The following ST7L variants were observed in gnomAD, a reference collection of about 807,000 sequenced individuals.
ST7L encodes suppressor of tumorigenicity 7 protein-like.
Under a neutral mutation model 72.5 loss-of-function variants are expected in ST7L, and 57 were observed. That is an observed-to-expected ratio of 0.79 (90% CI 0.64 to 0.98). ST7L has a LOEUF of 0.98. ST7L is among the 50% of genes least tolerant of loss of function. ST7L has a pLI of 0.00. For synonymous variants in ST7L, 221 were observed against 240.9 expected, an observed-to-expected ratio of 0.92 and a Z score of 0.77; for missense variants, 576 against 672.2, an observed-to-expected ratio of 0.86 and a Z score of 1.58.
At chr1:112,600,610 T>TA (rs1297210959) in intron 4 of ST7L, among the ~76,000 whole-genome samples, 184 bp downstream of exon 4, 13 of 144,974 alleles carry the variant, frequency 9.0e-5, no homozygotes, top group East Asian at 2.0e-4. Context: ...AAATTTTAAT[T>TA]AAAAAAAAAA....
intron 2 of ST7L, among the ~76,000 whole-genome samples, chr1:112,613,601 A>C (rs1669399014): frequency 6.6e-6 from 1 of 152,364 alleles, no homozygotes; most frequent in Middle Eastern, 3.4e-3. Context: ...TTTGCTAATA[A>C]AAACCCATCA....
At chr1:112,570,632 CA>C (rs1462076496) in intron 11 of ST7L, 3 of 399,760 alleles carry the variant, frequency 7.5e-6, no homozygotes, top group Non-Finnish European at 1.5e-5. Flanking sequence ...TTGTGACTCA[CA>C]ATTGAAGTGT....
intron 5 of ST7L, among the ~76,000 whole-genome samples, chr1:112,597,513 A>G (rs1208242444): frequency 6.6e-6 from 1 of 152,242 alleles, no homozygotes; most frequent in Non-Finnish European, 1.5e-5. Context: ...ATAGATAAGC[A>G]CTTAGAGAAA....
chr1:112,556,047 C>A, intron 11 of ST7L, 29 bp from the exon 12 acceptor site: 2 of 1,418,322 alleles, frequency 1.4e-6, no homozygotes, highest in African/African-American at 1.4e-5. Flanking sequence ...GACACATATA[C>A]ACACAACAGA....
At chr1:112,529,311 G>A (rs1169845246) in intron 14 of ST7L, 1 of 152,142 alleles carries the variant, frequency 6.6e-6, no homozygotes, top group African/African-American at 2.4e-5. Context: ...TATCATCTTA[G>A]TTCTCTTCCC....
rs1300880007 is a variant in ST7L at position 112,610,127 on chromosome 1, AG to A, written c.451+713del. 2.0e-5 allele frequency among the ~76,000 whole-genome samples: 3 copies of A among 152,160 alleles called. No homozygotes were observed. In the East Asian group the frequency reaches 5.8e-4, roughly 29 times the overall value. The stretch of plus-strand genomic sequence containing the variant: ...GCCATATGAAACAGACCTGACCAGT[AG>A]GAAGTAAGGTGAAATAGTATGTAAC... On this transcript the variant is annotated intron_variant, in intron 3 of 14. Transcript: ENST00000358039.
chr1:112,602,786 G>A lies in ST7L; in HGVS notation c.452-1938C>T, dbSNP rs920078086. On this transcript the variant is annotated intron_variant, in intron 3 of 14. Transcript: ENST00000358039. Reference sequence around the variant, plus strand: ...GCTGGAGTGCAATGGTGCAATCTCCGTTCACTGCATGCTCCGCCTCCCAGG... The same window carrying A: ...GCTGGAGTGCAATGGTGCAATCTCCATTCACTGCATGCTCCGCCTCCCAGG... Among the ~76,000 whole-genome samples, 8 of 141,506 alleles carry A rather than the reference G, an allele frequency of 5.7e-5. No homozygotes were observed. The South Asian group carries it at 6.6e-4, about 12-fold the overall frequency. 92.8% of individuals were successfully genotyped at this position (141,506 alleles called of 152,430 possible).
chr1:112,525,904 T>C lies in ST7L; in HGVS notation c.*109A>G. 6.9e-7 allele frequency: 1 copy of C among 1,452,304 alleles called. No individual in the cohort carries two copies. The highest frequency in any genetic ancestry group is 1.4e-5 in the South Asian group (1 of 71,836). 90.0% of individuals were successfully genotyped at this position (1,452,304 alleles called of 1,614,324 possible). A position where few individuals can be genotyped will look rare whatever the true frequency, so the allele number is the denominator to read the frequency against. ...TTTTCATATGCAAAATGCTTTAGCA[T>C]ATATGTAATCCTCACAACAACCCTG... On this transcript the variant is annotated 3_prime_UTR_variant, in exon 15 of 15. Transcript: ENST00000358039.
rs902054313 is a variant in ST7L at position 112,536,442 on chromosome 1, G to GA, written c.1629+5508dup. Reference sequence around the variant, plus strand: ...GGTTCTGAAGATCAATCTTTTCCCTGAAAAAAATGGTAAGAATAGTGGACA... The same window carrying GA: ...GGTTCTGAAGATCAATCTTTTCCCTGAAAAAAAATGGTAAGAATAGTGGACA... On this transcript the variant is annotated intron_variant, in intron 14 of 14. Coordinates refer to ENST00000358039, the MANE Select transcript of ST7L (RefSeq NM_017744.5). Among the ~76,000 whole-genome samples, 13 of 151,960 alleles carry GA rather than the reference G, an allele frequency of 8.6e-5. No individual in the cohort carries two copies. In the South Asian group the frequency reaches 2.1e-3, roughly 24 times the overall value.
At chr1:112,588,798 GT>G (rs984212417) in intron 6 of ST7L, among the ~76,000 whole-genome samples, 1 of 152,070 alleles carries the variant, frequency 6.6e-6, no homozygotes, top group African/African-American at 2.4e-5. Flanking sequence ...GTGCTCTTTT[GT>G]TTTCAGCTAT....
intron 6 of ST7L, among the ~76,000 whole-genome samples, chr1:112,588,278 TA>T (rs1665160668): frequency 6.6e-6 from 1 of 152,214 alleles, no homozygotes; most frequent in African/African-American, 2.4e-5. Context: ...AGATGCCATG[TA>T]AAATTTTTCT....
intron 1 of ST7L, among the ~76,000 whole-genome samples, chr1:112,617,533 T>C (rs1263983231): frequency 6.6e-6 from 1 of 152,034 alleles, no homozygotes; most frequent in Non-Finnish European, 1.5e-5. Context: ...GCAAATAAAA[T>C]AGACCCAGTC....
intron 11 of ST7L, among the ~76,000 whole-genome samples, chr1:112,575,391 T>A (rs1228281420): frequency 1.3e-5 from 2 of 152,170 alleles, no homozygotes; most frequent in African/African-American, 2.4e-5. Context: ...TAATTTATAA[T>A]TTAGGCACAG....
At chr1:112,597,702 C>T (rs999696228) in intron 5 of ST7L, among the ~76,000 whole-genome samples, 1 of 152,132 alleles carries the variant, frequency 6.6e-6, no homozygotes, top group African/African-American at 2.4e-5. Flanking sequence ...ATGGGGTACA[C>T]TGTTTTCTGG....
chr1:112,598,623 A>C (rs1226180392), intron 4 of ST7L, among the ~76,000 whole-genome samples: 1 of 152,010 alleles, frequency 6.6e-6, no homozygotes, highest in Non-Finnish European at 1.5e-5. Flanking sequence ...AGTAAAACGA[A>C]AATTAAGGAT....
intron 3 of ST7L, among the ~76,000 whole-genome samples, chr1:112,605,088 CAAA>C (rs35373735): frequency 4.9e-5 from 3 of 61,302 alleles, no homozygotes; most frequent in African/African-American, 6.0e-5. Flanking sequence ...ACTCCGGCTC[CAAA>C]AAAAAAAAAA....
intron 12 of ST7L, among the ~76,000 whole-genome samples, chr1:112,553,723 TG>T (rs1351041445): frequency 6.6e-6 from 1 of 152,174 alleles, no homozygotes; most frequent in African/African-American, 2.4e-5. Context: ...GATTTTTGTG[TG>T]GTACTTCTTT....
intron 14 of ST7L, among the ~76,000 whole-genome samples, chr1:112,532,357 C>T (rs544046160): frequency 2.6e-5 from 4 of 152,242 alleles, no homozygotes; most frequent in South Asian, 2.1e-4. Flanking sequence ...ACAACACTGT[C>T]GGATTAAAAT....
At chr1:112,581,490 C>T (rs1205753518) in intron 9 of ST7L, among the ~76,000 whole-genome samples, 1 of 151,796 alleles carries the variant, frequency 6.6e-6, no homozygotes, top group East Asian at 1.9e-4. Context: ...CCTGAACCTC[C>T]CAGGTTCAAG....
Sources: gnomAD v4.1 joint callset for allele counts (sites outside exome capture counted in the v4.1 genomes callset) on GRCh38, gnomAD v4.1.1 for gene constraint, MANE v1.5 for transcripts, NCBI Gene and HGNC (gene_info 2026-07-23, HGNC 2026-07-21) for gene names.